Variants in MDN1 observed in about 807,000 individuals in gnomAD.
The protein encoded by MDN1 is midasin AAA ATPase 1.
MDN1 carries 266 observed loss-of-function variants against 669.2 expected under a neutral mutation model. That is an observed-to-expected ratio of 0.40 (90% CI 0.36 to 0.44). The LOEUF is 0.44. Among genes scored for constraint, MDN1 ranks in the 20% least tolerant of loss-of-function variants. The pLI is 1.00. For synonymous variants in MDN1, 2,385 were observed against 2,457.1 expected (o/e 0.97, Z 0.87); for missense variants, 5,940 against 6,754.0 (o/e 0.88, Z 4.22).
rs756142022 is a variant in MDN1 at position 89,701,566 on chromosome 6, G to A, written c.8419C>T (p.Pro2807Ser). The A allele has an allele frequency of 6.2e-7, 1 of 1,613,992 alleles. No homozygotes were observed. Among genetic ancestry groups the A allele is most frequent in the East Asian group, 2.2e-5 (1 of 44,874 alleles). ...AATGCTTCCAGGTGTACCTTAAAAG[G>A]AAACGGTCGTCCCAGGAACTTCTGC... Reference protein sequence around the residue: ...KLQKFLGRPFPFKDKLVVECF... With the variant: ...KLQKFLGRPFSFKDKLVVECF... Residue 2807 changes from proline (P) to serine (S), a missense_variant, in exon 55 of 102, where the codon CCT becomes TCT. Around this residue, in one of 5 missense-constraint regions of MDN1, gnomAD observed 2,292 missense variants for 2,638.3 expected, o/e 0.87. Coordinates refer to ENST00000369393, the MANE Select transcript of MDN1 (RefSeq NM_014611.3).
Position 89,707,437 on chromosome 6 carries a change from A to C in MDN1, c.7938T>G (p.Thr2646=). 3.7e-6 allele frequency: 6 copies of C among 1,614,032 alleles called. No individual in the cohort carries two copies. Among genetic ancestry groups the C allele is most frequent in the Non-Finnish European group, 5.1e-6 (6 of 1,179,886 alleles). ...TACCAACAGAAACCAAATTTGCTTC[A>C]GTAAAAACCCGTTTTTCCCGGTCAA... ...IYLDREKRVF[T]EANLVSVGSK... Residue 2646 remains threonine, a synonymous_variant, in exon 52 of 102, where the codon ACT becomes ACG. Coordinates refer to ENST00000369393, the MANE Select transcript of MDN1 (RefSeq NM_014611.3).
At chr6:89,746,780 A>G (rs1270690933) in intron 27 of MDN1, among the ~76,000 whole-genome samples, 1 of 152,208 alleles carries the variant, frequency 6.6e-6, no homozygotes, top group Non-Finnish European at 1.5e-5. Context: ...CACTTTTCAA[A>G]TCAGAAGATT....
At chr6:89,703,913 T>C (rs188536124) in intron 53 of MDN1, among the ~76,000 whole-genome samples, 1 of 149,134 alleles carries the variant, frequency 6.7e-6, no homozygotes, top group African/African-American at 2.5e-5. Flanking sequence ...CTTGGGAGGC[T>C]GAAGCAGGAG....
intron 64 of MDN1, 108 bp downstream of exon 64, chr6:89,690,565 C>G (rs1447996437): frequency 1.3e-5 from 18 of 1,353,884 alleles, no homozygotes; most frequent in Non-Finnish European, 1.8e-5. Context: ...CTCTAAAATA[C>G]ATACATACAG....
chr6:89,734,689 ACAAG>A (rs1815823245), intron 33 of MDN1, among the ~76,000 whole-genome samples: 1 of 33,132 alleles, frequency 3.0e-5, no homozygotes, highest in African/African-American at 9.5e-5. Flanking sequence ...AAAAAAAAAA[ACAAG>A]AGAGAGAGAG....
intron 2 of MDN1, 86 bp from the exon 3 acceptor site, chr6:89,794,887 T>A: frequency 9.5e-7 from 1 of 1,048,382 alleles, no homozygotes; most frequent in East Asian, 2.4e-5. Flanking sequence ...ATCAGAGTAT[T>A]AAATGCATTT....
Position 89,810,688 on chromosome 6 carries a change from TTCTC to T in MDN1, c.103-7138_103-7135del, listed in dbSNP as rs566366304. On this transcript the variant is annotated intron_variant, in intron 1 of 101. Transcript: ENST00000369393. ...ACATGGCCATCTTCCCTTTATGTCT[TTCTC>T]TCCTCATAAGAACAGTCATATTGTG... Among the ~76,000 whole-genome samples, 421 of 152,168 alleles carry T rather than the reference TTCTC, an allele frequency of 2.8e-3. 3 individuals are homozygous for T. Among genetic ancestry groups the T allele is most frequent in the African/African-American group, 9.4e-3 (389 of 41,540 alleles).
intron 63 of MDN1, among the ~76,000 whole-genome samples, chr6:89,691,552 T>C (rs1812382766): frequency 6.6e-6 from 1 of 152,178 alleles, no homozygotes; most frequent in Admixed American, 6.5e-5. Flanking sequence ...TTTTTTTTGT[T>C]TTTTTGGCAA....
rs117604865 is a variant in MDN1, at chr6:89,767,112, G to A, written c.2144+4449C>T. On this transcript the variant is annotated intron_variant, in intron 15 of 101. Coordinates refer to ENST00000369393, the MANE Select transcript of MDN1 (RefSeq NM_014611.3). ...GAGTGATTTTATCTGCCACATCTAAGTCTTCCATGCCCTCTACTCTTTTTC... is the reference window on the plus strand; with the variant it reads ...GAGTGATTTTATCTGCCACATCTAAATCTTCCATGCCCTCTACTCTTTTTC... 1.2e-3 allele frequency among the ~76,000 whole-genome samples: 177 copies of A among 152,180 alleles called. 1 individual carries two copies. The highest frequency in any genetic ancestry group is 1.9e-3 in the Non-Finnish European group (130 of 68,000).
intron 85 of MDN1, among the ~76,000 whole-genome samples, chr6:89,663,819 G>A (rs1330557536): frequency 6.6e-6 from 1 of 151,886 alleles, no homozygotes; most frequent in East Asian, 1.9e-4. Context: ...GCAGGCGCCT[G>A]TAGTCCCAGC....
rs1266389361 is a variant in MDN1, at chr6:89,708,484, G to T, written c.7898+12C>A. On this transcript the variant is annotated intron_variant, in intron 51 of 101. Coordinates refer to ENST00000369393, the MANE Select transcript of MDN1 (RefSeq NM_014611.3). Reference sequence around the variant, plus strand: ...GAGGCAAACAGTGCCCAGAGCAGCAGGTTTCACTTACTTGTTTGCAGCTGA... The same window carrying T: ...GAGGCAAACAGTGCCCAGAGCAGCATGTTTCACTTACTTGTTTGCAGCTGA... The T allele has an allele frequency of 8.1e-6, 13 of 1,613,688 alleles. No homozygotes were observed. In the East Asian group the frequency reaches 2.9e-4, roughly 36 times the overall value.
chr6:89,719,198 C>A lies in MDN1; in HGVS notation c.5995G>T (p.Gly1999Cys). 1 of 1,613,508 alleles carries A rather than the reference C, an allele frequency of 6.2e-7. No individual in the cohort carries two copies. Among genetic ancestry groups the A allele is most frequent in the South Asian group, 1.1e-5 (1 of 91,052 alleles). The change falls in exon 41 of 102, where the codon GGT becomes TGT. Residue 1999 changes from glycine (G) to cysteine (C), a missense_variant. By Grantham distance (159) the Gly-to-Cys change is radical. Transcript: ENST00000369393. ...KVIAVFKDVF[G>C]SNSNPYMGTR... ...CCCATGTATGGGTTGGAATTTGAAC[C>A]AAACACATCCTTGAATACAGCAATG...
At chr6:89,778,551 G>A (rs762272347) in intron 11 of MDN1, among the ~76,000 whole-genome samples, 20 of 151,952 alleles carry the variant, frequency 1.3e-4, no homozygotes, top group Admixed American at 6.6e-4. Flanking sequence ...GACCTCTCAC[G>A]GAAACCAAAA....
At chr6:89,694,258 A>T in intron 61 of MDN1, 75 bp from the exon 62 acceptor site, 2 of 1,248,688 alleles carry the variant, frequency 1.6e-6, no homozygotes, top group Non-Finnish European at 2.3e-6. Context: ...TCCTGGGGAC[A>T]CGTAGAGGAA....
At chr6:89,734,691 A>ACGAGAGAGAGAGAG (rs370691129) in intron 33 of MDN1, among the ~76,000 whole-genome samples, 28 of 112,988 alleles carry the variant, frequency 2.5e-4, no homozygotes, top group South Asian at 5.8e-4. Flanking sequence ...AAAAAAAAAC[A>ACGAGAGAGAGAGAG]AGAGAGAGAG....
chr6:89,650,184 G>C lies in MDN1; in HGVS notation c.16046C>G (p.Thr5349Ser). 6.2e-7 allele frequency: 1 copy of C among 1,613,980 alleles called. No homozygotes were observed. The highest frequency in any genetic ancestry group is 1.1e-5 in the South Asian group (1 of 91,074). Residue 5349 changes from threonine (T) to serine (S), a missense_variant, in exon 97 of 102, where the codon ACT (threonine) becomes AGT (serine). Thr to Ser is a moderately conservative substitution (Grantham distance 58). Transcript: ENST00000369393. ...QAAKLKGDYR[T>S]GKRLNIRKVI... ...TTTCCGTATGTTTAGTCGTTTCCCA[G>C]TTCGATAGTCTCCTCTATTTATTCA...
rs1320160265 is a variant in MDN1 at position 89,803,325 on chromosome 6, C to T, written c.329+3G>A. On this transcript the variant is annotated splice_donor_region_variant and intron_variant, in intron 2 of 101. Transcript: ENST00000369393. ...AAATGCGAATAATAAAATTGCTACTCACGGGAGGACATCAGGATGGTTACC... is the reference window on the plus strand; with the variant it reads ...AAATGCGAATAATAAAATTGCTACTTACGGGAGGACATCAGGATGGTTACC... The T allele has an allele frequency of 6.2e-7, 1 of 1,612,194 alleles. No individual in the cohort carries two copies. The highest frequency in any genetic ancestry group is 8.5e-7 in the Non-Finnish European group (1 of 1,178,284).
chr6:89,655,664 C>T, intron 92 of MDN1, 100 bp downstream of exon 92: 1 of 1,150,132 alleles, frequency 8.7e-7, no homozygotes, highest in Non-Finnish European at 1.2e-6. Context: ...CAAAACCTCA[C>T]ACTGTACCCC....
chr6:89,683,907 G>A lies in MDN1; in HGVS notation c.11830-3C>T, dbSNP rs1174172564. On this transcript the variant is annotated splice_region_variant and splice_polypyrimidine_tract_variant and intron_variant, in intron 71 of 101. Transcript: ENST00000369393. ...CACTTGGAAATCTTAACAAATTCCTGTAAGATAAATGATGTTCAAGAAATG... is the reference window on the plus strand; with the variant it reads ...CACTTGGAAATCTTAACAAATTCCTATAAGATAAATGATGTTCAAGAAATG... 6.2e-6 allele frequency: 10 copies of A among 1,607,284 alleles called. No individual in the cohort carries two copies. Among genetic ancestry groups the A allele is most frequent in the Non-Finnish European group, 3.4e-6 (4 of 1,174,520 alleles).
Sources: gnomAD v4.1 joint callset for allele counts (sites outside exome capture counted in the v4.1 genomes callset) on GRCh38, gnomAD v4.1.1 for gene constraint, gnomAD v4.1.1 regional missense constraint, MANE v1.5 for transcripts, NCBI Gene and HGNC (gene_info 2026-07-23, HGNC 2026-07-21) for gene names.